Variants in NADK observed in about 807,000 individuals in gnomAD.
The protein encoded by NADK is poly(P)/ATP NAD kinase.
In NADK, 22 loss-of-function variants were observed where a neutral mutation model predicts 49.8. The ratio of observed to expected loss-of-function variants is 0.44; its 90% CI spans 0.32 to 0.63. The LOEUF is 0.63. Among genes scored for constraint, NADK ranks in the 30% least tolerant of loss-of-function variants. The pLI, the probability that NADK is intolerant of heterozygous loss-of-function variation, is 0.06. For missense variants in NADK, 438 were observed against 609.4 expected (o/e 0.72, Z 2.96); for synonymous variants, 268 against 253.7 (o/e 1.06, Z -0.54).
At chr1:1,763,723 G>A (rs1645800824) in intron 2 of NADK, among the ~76,000 whole-genome samples, 1 of 152,068 alleles carries the variant, frequency 6.6e-6, no homozygotes, top group African/African-American at 2.4e-5. Context: ...TCTCGAAGTG[G>A]GTGTTGGGAT....
intron 2 of NADK, among the ~76,000 whole-genome samples, chr1:1,763,786 C>G (rs1361785224): frequency 6.6e-6 from 1 of 152,100 alleles, no homozygotes; most frequent in Non-Finnish European, 1.5e-5. Flanking sequence ...TGGCTACCTC[C>G]TCCCCCACCT....
intron 1 of NADK, among the ~76,000 whole-genome samples, chr1:1,768,801 A>G (rs1645961321): frequency 6.6e-6 from 1 of 152,226 alleles, no homozygotes; most frequent in Non-Finnish European, 1.5e-5. Flanking sequence ...AGCAGCCTAA[A>G]TAAAACAACT....
chr1:1,759,479 C>T (rs1253765720), intron 3 of NADK, among the ~76,000 whole-genome samples: 1 of 152,238 alleles, frequency 6.6e-6, no homozygotes, highest in Non-Finnish European at 1.5e-5. Flanking sequence ...TCACGCACCT[C>T]CACAACACAG....
At chr1:1,771,073 T>TACACAC (rs1192677248) in intron 1 of NADK, among the ~76,000 whole-genome samples, 1 of 145,104 alleles carries the variant, frequency 6.9e-6, no homozygotes, top group Non-Finnish European at 1.5e-5. Flanking sequence ...TATATATATA[T>TACACAC]ATACACACAC....
intron 6 of NADK, among the ~76,000 whole-genome samples, 198 bp from the exon 7 acceptor site, chr1:1,755,674 G>A (rs1370644584): frequency 1.3e-5 from 2 of 152,214 alleles, no homozygotes; most frequent in African/African-American, 2.4e-5. Context: ...CAAGGTTGGT[G>A]TGGGGAGCTG....
In NADK at chr1:1,776,779, A is replaced by T. The variant is rs1434358616; in HGVS notation, c.-41+1510T>A. ...CAGAGCTAGACTCTGTCTTAAAAAA[A>T]AAAAAAAAAAAAAAAGACTGGTCAA... On this transcript the variant is annotated intron_variant, in intron 1 of 11. Coordinates refer to ENST00000341426, the MANE Select transcript of NADK (RefSeq NM_023018.5). 8.6e-5 allele frequency among the ~76,000 whole-genome samples: 13 copies of T among 151,596 alleles called. No homozygotes were observed. In the East Asian group the frequency reaches 2.5e-3, roughly 29 times the overall value.
chr1:1,759,959 G>A, intron 3 of NADK: 1 of 1,522,318 alleles, frequency 6.6e-7, no homozygotes, highest in Non-Finnish European at 8.9e-7. Context: ...AGGCCCGGTG[G>A]GGTGCCAGGG....
intron 2 of NADK, among the ~76,000 whole-genome samples, chr1:1,763,636 GAA>G (rs1645798038): frequency 1.4e-4 from 2 of 14,316 alleles, no homozygotes; most frequent in South Asian, 3.7e-3. Flanking sequence ...AAAAAAAAAA[GAA>G]GAAGAAAACG....
chr1:1,765,562 T>C (rs1645861037), intron 1 of NADK, 116 bp from the exon 2 acceptor site: 1 of 503,324 alleles, frequency 2.0e-6, no homozygotes, highest in South Asian at 4.2e-5. Flanking sequence ...TGAAGTCCAA[T>C]TTACCAAAGT....
At chr1:1,762,296 A>G (rs957469822) in intron 2 of NADK, among the ~76,000 whole-genome samples, 6 of 152,116 alleles carry the variant, frequency 3.9e-5, no homozygotes, top group Non-Finnish European at 7.4e-5. Flanking sequence ...CAGCCCAAAC[A>G]AGGAAAATGC....
At chr1:1,775,606 C>T (rs981632912) in intron 1 of NADK, among the ~76,000 whole-genome samples, 2 of 152,194 alleles carry the variant, frequency 1.3e-5, no homozygotes, top group African/African-American at 4.8e-5. Flanking sequence ...AGATGTGGCT[C>T]CACCTACTTA....
chr1:1,757,931 C>T (rs997980383), intron 3 of NADK, among the ~76,000 whole-genome samples: 2 of 152,194 alleles, frequency 1.3e-5, no homozygotes, highest in Admixed American at 6.5e-5. Flanking sequence ...CAGCCACCCG[C>T]GCTTTGCTGG....
intron 10 of NADK, 61 bp from the exon 11 acceptor site, chr1:1,753,710 C>G: frequency 6.9e-7 from 1 of 1,449,274 alleles, no homozygotes; most frequent in African/African-American, 1.4e-5. Context: ...TTCTAGGCAC[C>G]CACCCCTGAG....
At position 1,754,393 on chromosome 1, in the gene NADK, C is replaced by T. The variant is rs773568772; in HGVS notation, c.844-10G>A. On this transcript the variant is annotated splice_polypyrimidine_tract_variant and intron_variant, in intron 8 of 11. Coordinates refer to ENST00000341426, the MANE Select transcript of NADK (RefSeq NM_023018.5). The surrounding 1 kb of genome is among the most constrained non-coding windows in gnomAD (Gnocchi z 4.3). ...CCACCTCATTCAGGACCTGGAGGGG[C>T]GACAGCATTGCACACTCAGGGCGGG... The T allele has an allele frequency of 2.0e-5, 33 of 1,613,136 alleles. 1 individual carries two copies. In the Middle Eastern group the frequency reaches 6.6e-4, roughly 32 times the overall value.
At chr1:1,756,647 A>G in intron 4 of NADK, 39 bp from the exon 5 acceptor site, 2 of 1,613,232 alleles carry the variant, frequency 1.2e-6, no homozygotes, top group South Asian at 1.1e-5. Context: ...CCACCTGCAG[A>G]CCCCACCCTC....
chr1:1,758,224 C>G, intron 3 of NADK: 1 of 947,286 alleles, frequency 1.1e-6, no homozygotes, highest in Non-Finnish European at 1.5e-6. Flanking sequence ...GCCTGCCATG[C>G]CTCTTCCCAG....
chr1:1,769,584 C>T (rs1360435577), intron 1 of NADK, among the ~76,000 whole-genome samples: 2 of 151,834 alleles, frequency 1.3e-5, no homozygotes, highest in African/African-American at 2.4e-5. Context: ...ACAAACTAGC[C>T]GCGTGTGGTG....
chr1:1,773,679 TGTG>T (rs1646119452), intron 1 of NADK, among the ~76,000 whole-genome samples: 2 of 19,404 alleles, frequency 1.0e-4, no homozygotes, highest in African/African-American at 4.1e-4. Context: ...CTCTATTTTG[TGTG>T]TGTGTGTGTG....
chr1:1,760,859 C>G (rs1645699686), intron 3 of NADK, among the ~76,000 whole-genome samples: 3 of 152,248 alleles, frequency 2.0e-5, no homozygotes, highest in Admixed American at 2.0e-4. Context: ...TGGAGACAGT[C>G]TTGCTCTGTC....
Sources: allele counts gnomAD v4.1 joint callset (sites outside exome capture counted in the v4.1 genomes callset), GRCh38; gene constraint gnomAD v4.1.1; non-coding constraint Gnocchi (gnomAD v3.1); transcripts MANE v1.5; gene names NCBI Gene and HGNC (gene_info 2026-07-23, HGNC 2026-07-21).